Variants in SCAMP2 observed in about 807,000 individuals in gnomAD.
SCAMP2 encodes the protein secretory carrier membrane protein 2, also known as secretory carrier-associated membrane protein 2.
A neutral mutation model predicts 44.1 loss-of-function variants in SCAMP2; 25 were observed. That is an observed-to-expected ratio of 0.57 (90% CI 0.41 to 0.79). The LOEUF (loss-of-function observed/expected upper bound fraction) is 0.79, where lower values mean the gene tolerates loss of function less well. Ranked by LOEUF, SCAMP2 falls within the 30% of genes least tolerant of loss-of-function variation. The pLI is 0.00. For missense variants in SCAMP2, 355 were observed against 411.0 expected (o/e 0.86, Z 1.18); for synonymous variants, 156 against 166.0 (o/e 0.94, Z 0.46).
At chr15:74,845,658 G>A in intron 7 of SCAMP2, 65 bp from the exon 8 acceptor site, 1 of 1,594,460 alleles carries the variant, frequency 6.3e-7, no homozygotes, top group Non-Finnish European at 8.6e-7. Context: ...CAGCATAAGG[G>A]GCTCTTCTCC....
At chr15:74,872,713 A>C (rs1033052417) in intron 1 of SCAMP2, among the ~76,000 whole-genome samples, 1 of 152,050 alleles carries the variant, frequency 6.6e-6, no homozygotes, top group Admixed American at 6.6e-5. Flanking sequence ...TTTATACACT[A>C]GTTTGGCTGG....
At chr15:74,866,644 T>C (rs1369662956) in intron 1 of SCAMP2, among the ~76,000 whole-genome samples, 2 of 152,004 alleles carry the variant, frequency 1.3e-5, no homozygotes, top group African/African-American at 4.8e-5. Context: ...TGAATAACCC[T>C]GTTTTCCCAT....
rs2064435383 is a variant in SCAMP2 at position 74,851,486 on chromosome 15, G to A, written c.344-5C>T. 6.8e-6 allele frequency: 11 copies of A among 1,613,666 alleles called. No individual in the cohort carries two copies. Among genetic ancestry groups the A allele is most frequent in the African/African-American group, 6.7e-5 (5 of 75,038 alleles). Reference sequence around the variant, plus strand: ...GGGGCCAGTTGTTCTGTCTCACTGGGTAGGGCAAAAAGAGTGACGAGGTAA... The same window carrying A: ...GGGGCCAGTTGTTCTGTCTCACTGGATAGGGCAAAAAGAGTGACGAGGTAA... On this transcript the variant is annotated splice_polypyrimidine_tract_variant and splice_region_variant and intron_variant, in intron 4 of 8. Coordinates refer to ENST00000268099, the MANE Select transcript of SCAMP2 (RefSeq NM_005697.5).
intron 4 of SCAMP2, 99 bp from the exon 5 acceptor site, chr15:74,851,580 C>T: frequency 6.8e-7 from 1 of 1,479,278 alleles, no homozygotes; most frequent in South Asian, 1.2e-5. Flanking sequence ...AACCAGGGTT[C>T]CCAGAGGGGC....
chr15:74,859,205 G>C (rs1311686606), intron 1 of SCAMP2, among the ~76,000 whole-genome samples: 1 of 152,152 alleles, frequency 6.6e-6, no homozygotes, highest in Non-Finnish European at 1.5e-5. Flanking sequence ...ACTCAGAGTG[G>C]CTATTGCCCT....
intron 1 of SCAMP2, among the ~76,000 whole-genome samples, chr15:74,868,294 G>T (rs990658838): frequency 6.6e-6 from 1 of 152,158 alleles, no homozygotes; most frequent in Non-Finnish European, 1.5e-5. Context: ...ATAACCACAC[G>T]CAAGGAAGAG....
intron 1 of SCAMP2, among the ~76,000 whole-genome samples, chr15:74,862,110 A>T (rs1488012783): frequency 3.9e-5 from 5 of 129,296 alleles, no homozygotes; most frequent in Non-Finnish European, 8.4e-5. Context: ...AAAAAATACA[A>T]AAGTTAGCCA....
intron 1 of SCAMP2, among the ~76,000 whole-genome samples, chr15:74,855,841 A>C (rs905685460): frequency 1.3e-5 from 2 of 152,150 alleles, no homozygotes; most frequent in African/African-American, 2.4e-5. Context: ...AGCTGAGGTG[A>C]AAATTCAAGA....
chr15:74,866,139 C>T (rs1321838828), intron 1 of SCAMP2, among the ~76,000 whole-genome samples: 1 of 151,604 alleles, frequency 6.6e-6, no homozygotes, highest in African/African-American at 2.4e-5. Context: ...CTGGAATACT[C>T]CTAAATGTAT....
chr15:74,844,870 G>C lies in SCAMP2; in HGVS notation c.*213C>G. On this transcript the variant is annotated 3_prime_UTR_variant, in exon 9 of 9. Transcript: ENST00000268099. Reference sequence around the variant, plus strand: ...ACCAAACCATCACCAGAGAAGGAAAGAGAGCTTTGTTTTTTTTTGTACATA... The same window carrying C: ...ACCAAACCATCACCAGAGAAGGAAACAGAGCTTTGTTTTTTTTTGTACATA... 1.8e-6 allele frequency: 1 copy of C among 543,516 alleles called. No homozygotes were observed. Among genetic ancestry groups the C allele is most frequent in the Admixed American group, 3.2e-5 (1 of 31,258 alleles). 33.7% of individuals were successfully genotyped at this position (543,516 alleles called of 1,614,324 possible). A position where few individuals can be genotyped will look rare whatever the true frequency, so the allele number is the denominator to read the frequency against.
chr15:74,872,792 T>G (rs1363430943), intron 1 of SCAMP2: 1 of 165,718 alleles, frequency 6.0e-6, no homozygotes, highest in Non-Finnish European at 1.3e-5. Context: ...CTTCACCACC[T>G]CCTCATATGT....
chr15:74,854,949 C>T lies in SCAMP2; in HGVS notation c.58-300G>A, dbSNP rs529123856. 2.0e-5 allele frequency among the ~76,000 whole-genome samples: 3 copies of T among 148,974 alleles called. 1 individual carries two copies. In the East Asian group the frequency reaches 5.9e-4, roughly 29 times the overall value. On this transcript the variant is annotated intron_variant, in intron 1 of 8. Transcript: ENST00000268099. Reference sequence around the variant, plus strand: ...TGCCCTATACAGATTCAAAATGGTTCATAGTATTTACCTCTAGGGAGTGGG... The same window carrying T: ...TGCCCTATACAGATTCAAAATGGTTTATAGTATTTACCTCTAGGGAGTGGG...
chr15:74,853,806 AGTG>A, intron 3 of SCAMP2: 9 of 584,852 alleles, frequency 1.5e-5, no homozygotes, highest in East Asian at 2.9e-5. Context: ...CTTATTTCTC[AGTG>A]GTGGTGGTGG....
At chr15:74,861,386 T>C (rs1291243971) in intron 1 of SCAMP2, among the ~76,000 whole-genome samples, 2 of 152,120 alleles carry the variant, frequency 1.3e-5, no homozygotes, top group African/African-American at 4.8e-5. Context: ...TGGTGCTCTC[T>C]GACCTGATAC....
chr15:74,844,479 C>G lies in SCAMP2; in HGVS notation c.*604G>C, dbSNP rs1374745680. On this transcript the variant is annotated 3_prime_UTR_variant, in exon 9 of 9. Transcript: ENST00000268099. ...GCTATTAATCCGTTTCTCAGGAACA[C>G]GAGGCAGGGAAGAGCTTAAGGCAAC... 1.3e-5 allele frequency: 2 copies of G among 152,286 alleles called. No individual in the cohort carries two copies. Among genetic ancestry groups the G allele is most frequent in the East Asian group, 1.9e-4 (1 of 5,194 alleles). The allele number at this position is 152,286 out of a possible 1,614,324, so 9.4% of individuals were successfully genotyped here. A position where few individuals can be genotyped will look rare whatever the true frequency, so the allele number is the denominator to read the frequency against.
At chr15:74,857,359 C>A (rs772715481) in intron 1 of SCAMP2, among the ~76,000 whole-genome samples, 5 of 152,214 alleles carry the variant, frequency 3.3e-5, no homozygotes, top group Non-Finnish European at 7.3e-5. Flanking sequence ...TTATTTCATG[C>A]CTGAATGACC....
At chr15:74,867,174 G>A (rs558103925) in intron 1 of SCAMP2, among the ~76,000 whole-genome samples, 3 of 152,280 alleles carry the variant, frequency 2.0e-5, no homozygotes, top group African/African-American at 7.2e-5. Flanking sequence ...TCCTGCACAG[G>A]CCTGCAGAGC....
chr15:74,872,960 C>G (rs2064587154), intron 1 of SCAMP2: 1 of 462,758 alleles, frequency 2.2e-6, no homozygotes, highest in East Asian at 3.6e-5. Flanking sequence ...GCCCAGCCTC[C>G]GGGTGCTAGA....
intron 1 of SCAMP2, among the ~76,000 whole-genome samples, chr15:74,861,102 G>A (rs970587968): frequency 6.6e-6 from 1 of 152,098 alleles, no homozygotes; most frequent in Non-Finnish European, 1.5e-5. Flanking sequence ...TTGAACCCAG[G>A]AGGCAGAGGT....
Sources: allele counts gnomAD v4.1 joint callset (sites outside exome capture counted in the v4.1 genomes callset), GRCh38; gene constraint gnomAD v4.1.1; transcripts MANE v1.5; gene names NCBI Gene and HGNC (gene_info 2026-07-23, HGNC 2026-07-21).